Variants in DLGAP2 observed in about 807,000 individuals in gnomAD.
DLGAP2 encodes disks large-associated protein 2.
DLGAP2 carries 26 observed loss-of-function variants against 100.3 expected under a neutral mutation model. The observed-to-expected ratio is 0.26, with a 90% CI of 0.19 to 0.36. The LOEUF (loss-of-function observed/expected upper bound fraction) is 0.36. Among genes scored for constraint, DLGAP2 ranks in the 10% least tolerant of loss-of-function variants. The pLI is 1.00. For synonymous variants in DLGAP2, 886 were observed against 630.1 expected (o/e 1.41, Z -6.08); for missense variants, 1,858 against 1,453.2 (o/e 1.28, Z -4.53).
chr8:1,097,722 G>A (rs1468996963), intron 2 of DLGAP2, among the ~76,000 whole-genome samples: 2 of 135,228 alleles, frequency 1.5e-5, no homozygotes, highest in South Asian at 2.4e-4. Flanking sequence ...AGCTCCCTCT[G>A]CTCAGGAGAG....
intron 3 of DLGAP2, among the ~76,000 whole-genome samples, chr8:1,427,573 C>T (rs1311959828): frequency 6.6e-6 from 1 of 152,192 alleles, no homozygotes; most frequent in Admixed American, 6.5e-5. Flanking sequence ...CTCCCACAAT[C>T]CCCACATGTC....
chr8:1,092,919 C>T (rs1036808196), intron 2 of DLGAP2, among the ~76,000 whole-genome samples: 6 of 152,144 alleles, frequency 3.9e-5, no homozygotes, highest in African/African-American at 1.4e-4. Context: ...GTGAACAGAC[C>T]CCATAGGGGT....
At chr8:1,377,319 C>T (rs879602135) in intron 3 of DLGAP2, among the ~76,000 whole-genome samples, 6 of 152,226 alleles carry the variant, frequency 3.9e-5, no homozygotes, top group Admixed American at 1.3e-4. Flanking sequence ...CCGAGGCGGG[C>T]GAATCACGAA....
chr8:1,073,711 C>G (rs1379006656), intron 2 of DLGAP2, among the ~76,000 whole-genome samples: 1 of 152,184 alleles, frequency 6.6e-6, no homozygotes, highest in Non-Finnish European at 1.5e-5. Context: ...TTGGCCAGTG[C>G]TTTCCACAAA....
intron 1 of DLGAP2, among the ~76,000 whole-genome samples, chr8:861,888 A>C (rs775885890): frequency 2.2e-4 from 34 of 152,224 alleles, no homozygotes; most frequent in South Asian, 4.1e-4. Flanking sequence ...TTTATCCATT[A>C]GGTAATATTG....
chr8:1,057,229 G>A (rs1454381995), intron 2 of DLGAP2, among the ~76,000 whole-genome samples: 3 of 152,210 alleles, frequency 2.0e-5, no homozygotes, highest in Non-Finnish European at 4.4e-5. Flanking sequence ...TTAGCTGCCT[G>A]TATTAACATA....
chr8:1,240,278 C>G (rs1258026513), intron 2 of DLGAP2, among the ~76,000 whole-genome samples: 3 of 64,832 alleles, frequency 4.6e-5, no homozygotes, highest in Non-Finnish European at 1.4e-4. Context: ...GTGTCTAGTT[C>G]TGTTACATGG....
intron 12 of DLGAP2, chr8:1,678,862 G>C (rs1052700783): frequency 6.5e-6 from 3 of 461,954 alleles, no homozygotes; most frequent in Non-Finnish European, 1.1e-5. Flanking sequence ...CAGGTAAGTT[G>C]AATAGAAAAT....
In DLGAP2 at chr8:1,373,313, A is replaced by T. The variant is rs1056227137; in HGVS notation, c.106+114430A>T. On this transcript the variant is annotated intron_variant, in intron 3 of 14. Transcript: ENST00000637795. ...GTCGGGAGCAGGGGCCGCGGGCGGC[A>T]GCTGACGGGCGGGCCCTTCCGGAGG... 2.0e-5 allele frequency among the ~76,000 whole-genome samples: 3 copies of T among 151,792 alleles called. No individual in the cohort carries two copies. The South Asian group carries it at 6.2e-4, about 32-fold the overall frequency.
At chr8:1,188,971 G>A (rs1490695519) in intron 2 of DLGAP2, among the ~76,000 whole-genome samples, 3 of 150,130 alleles carry the variant, frequency 2.0e-5, no homozygotes, top group African/African-American at 7.6e-5. Context: ...CCGTACACAG[G>A]GTTCGGGCCC....
intron 3 of DLGAP2, among the ~76,000 whole-genome samples, chr8:1,479,310 G>A (rs1043754337): frequency 5.3e-5 from 8 of 152,254 alleles, no homozygotes; most frequent in African/African-American, 9.6e-5. Flanking sequence ...GATGCTGGGC[G>A]CAGGGATGAT....
intron 3 of DLGAP2, among the ~76,000 whole-genome samples, chr8:1,365,061 A>G (rs1802078148): frequency 6.6e-6 from 1 of 152,154 alleles, no homozygotes; most frequent in Non-Finnish European, 1.5e-5. Context: ...GACTGAGATG[A>G]CCATAGAGAA....
chr8:1,430,013 T>TATATATATATATATATAC (rs1170347980), intron 3 of DLGAP2, among the ~76,000 whole-genome samples: 1 of 76,064 alleles, frequency 1.3e-5, no homozygotes, highest in African/African-American at 4.9e-5. Context: ...TATACATATA[T>TATATATATATATATATAC]ATATATATAT....
intron 3 of DLGAP2, among the ~76,000 whole-genome samples, chr8:1,487,131 C>A (rs532582915): frequency 4.5e-4 from 68 of 152,138 alleles, no homozygotes; most frequent in African/African-American, 1.6e-3. Flanking sequence ...TGGTTTTCTG[C>A]GAGTAAACTT....
intron 2 of DLGAP2, among the ~76,000 whole-genome samples, chr8:1,096,247 G>C (rs1371102899): frequency 6.6e-6 from 1 of 152,156 alleles, no homozygotes; most frequent in African/African-American, 2.4e-5. Flanking sequence ...GAAGCACCTG[G>C]GCCACTTATA....
At position 817,745 on chromosome 8, in the gene DLGAP2, A is replaced by C. The variant is rs148417291; in HGVS notation, c.18+79920A>C. ...TGATTGTTTTTGCTCTTCTGGGTCC[A>C]GCCACCCGGTGGAGCTACTAGGCTC... On this transcript the variant is annotated intron_variant, in intron 1 of 14. Coordinates refer to ENST00000637795, the MANE Select transcript of DLGAP2 (RefSeq NM_001346810.2). 3.2e-4 allele frequency among the ~76,000 whole-genome samples: 48 copies of C among 152,314 alleles called. 3 individuals are homozygous for C. The East Asian group carries it at 9.1e-3, about 29-fold the overall frequency.
intron 1 of DLGAP2, among the ~76,000 whole-genome samples, chr8:770,938 A>G (rs2132606729): frequency 6.6e-6 from 1 of 151,830 alleles, no homozygotes. Context: ...TCTGTAGGGC[A>G]GGTTGATGTG....
rs775703416 is a variant in DLGAP2, at chr8:1,676,592, C to T, written c.2262C>T (p.Val754=). Residue 754 remains valine (V), a synonymous_variant, in exon 11 of 15, where the codon GTC becomes GTT. Coordinates refer to ENST00000637795, the MANE Select transcript of DLGAP2 (RefSeq NM_001346810.2). The part of the protein sequence containing the change: ...ESRGLREYHS[V]GVQVEDEKRH... ...GCGGTCTGCGGGAATACCACTCTGT[C>T]GGGGTGCAAGTGGAAGATGAGAAGC... 14 of 1,613,174 alleles carry T rather than the reference C, an allele frequency of 8.7e-6. No individual in the cohort carries two copies. The highest frequency in any genetic ancestry group is 8.3e-5 in the Admixed American group (5 of 59,918).
intron 1 of DLGAP2, among the ~76,000 whole-genome samples, chr8:784,552 A>T (rs1474127422): frequency 6.6e-6 from 1 of 152,238 alleles, no homozygotes. Context: ...TCAAGTTGAT[A>T]TGGTGGATTG....
Sources: gnomAD v4.1 joint callset for allele counts (sites outside exome capture counted in the v4.1 genomes callset) on GRCh38, gnomAD v4.1.1 for gene constraint, MANE v1.5 for transcripts, NCBI Gene and HGNC (gene_info 2026-07-23, HGNC 2026-07-21) for gene names.